Variants in PRTFDC1 observed in about 807,000 individuals in gnomAD.
PRTFDC1 encodes phosphoribosyltransferase domain-containing protein 1.
A neutral mutation model predicts 34.6 loss-of-function variants in PRTFDC1; 38 were observed. That is an observed-to-expected ratio of 1.10 (90% CI 0.85 to 1.44). The LOEUF is 1.44. Ranked by LOEUF, PRTFDC1 falls within the 40% of genes most tolerant of loss-of-function variation. The pLI, the probability that PRTFDC1 is intolerant of heterozygous loss-of-function variation, is 0.00. For missense variants in PRTFDC1, 270 were observed against 283.0 expected, an observed-to-expected ratio of 0.95 and a Z score of 0.33; for synonymous variants, 93 against 98.1, an observed-to-expected ratio of 0.95 and a Z score of 0.31.
intron 3 of PRTFDC1, among the ~76,000 whole-genome samples, chr10:24,923,753 G>A (rs1390713939): frequency 6.6e-6 from 1 of 152,212 alleles, no homozygotes; most frequent in Non-Finnish European, 1.5e-5. Context: ...TCCTCCAAAG[G>A]ATCGCAGCTC....
intron 5 of PRTFDC1, 49 bp from the exon 6 acceptor site, chr10:24,857,044 A>G (rs1469567520): frequency 1.4e-6 from 2 of 1,469,894 alleles, no homozygotes; most frequent in African/African-American, 1.4e-5. Flanking sequence ...TGAGCAGCAC[A>G]ATAGACTTTT....
At chr10:24,854,412 G>A (rs1431131271) in intron 7 of PRTFDC1, among the ~76,000 whole-genome samples, 1 of 152,160 alleles carries the variant, frequency 6.6e-6, no homozygotes, top group Non-Finnish European at 1.5e-5. Flanking sequence ...AGAATGTAGA[G>A]TCACTGGCTA....
intron 3 of PRTFDC1, among the ~76,000 whole-genome samples, chr10:24,929,029 A>T (rs1359626491): frequency 7.8e-6 from 1 of 127,600 alleles, no homozygotes; most frequent in Admixed American, 8.3e-5. Context: ...CGACAGAGGC[A>T]GACTCCGTCT....
intron 7 of PRTFDC1, among the ~76,000 whole-genome samples, chr10:24,852,167 A>AT (rs1468940188): frequency 2.0e-5 from 3 of 151,582 alleles, no homozygotes; most frequent in Non-Finnish European, 4.4e-5. Context: ...AAAGATGATG[A>AT]TTTTTTGTCA....
chr10:24,932,152 C>T (rs1212131185), intron 3 of PRTFDC1, among the ~76,000 whole-genome samples: 14 of 151,682 alleles, frequency 9.2e-5, no homozygotes. Context: ...TATGAAAAAA[C>T]CTCTTGCAAA....
At chr10:24,912,549 G>A (rs1468737699) in intron 3 of PRTFDC1, among the ~76,000 whole-genome samples, 3 of 151,944 alleles carry the variant, frequency 2.0e-5, no homozygotes, top group Non-Finnish European at 2.9e-5. Flanking sequence ...TTTTGGTAGA[G>A]TGTCATTCAA....
rs201435678 is a variant in PRTFDC1, at chr10:24,942,297, A to G, written c.155+33T>C. The G allele has an allele frequency of 1.6e-4, 245 of 1,543,608 alleles. No individual in the cohort carries two copies. The African/African-American group carries it at 2.8e-3, about 18-fold the overall frequency. ...ACACAAGTGTGGGCCGGCCCAGTGC[A>G]GGACCAAGATTGACACAGGAAATCA... On this transcript the variant is annotated intron_variant, in intron 2 of 8. Coordinates refer to ENST00000320152, the MANE Select transcript of PRTFDC1 (RefSeq NM_020200.7).
At chr10:24,855,645 T>A (rs1051183476) in intron 6 of PRTFDC1, among the ~76,000 whole-genome samples, 1 of 151,738 alleles carries the variant, frequency 6.6e-6, no homozygotes, top group African/African-American at 2.4e-5. Flanking sequence ...AATTAAAAAA[T>A]TTAGCTGGGT....
chr10:24,851,121 A>C (rs1847479233), intron 8 of PRTFDC1, among the ~76,000 whole-genome samples: 1 of 152,210 alleles, frequency 6.6e-6, no homozygotes, highest in South Asian at 2.1e-4. Flanking sequence ...ATGGAGAAGA[A>C]TCAGTGTCAA....
intron 3 of PRTFDC1, among the ~76,000 whole-genome samples, chr10:24,873,379 C>T (rs189902845): frequency 7.7e-4 from 117 of 152,300 alleles, no homozygotes; most frequent in Middle Eastern, 3.4e-3. Flanking sequence ...CGATACATTC[C>T]GGCAGTCTGC....
chr10:24,919,504 A>G (rs1848747530), intron 3 of PRTFDC1, among the ~76,000 whole-genome samples: 1 of 152,254 alleles, frequency 6.6e-6, no homozygotes, highest in African/African-American at 2.4e-5. Context: ...AAAGACTTAA[A>G]TGGAAAACCC....
intron 3 of PRTFDC1, among the ~76,000 whole-genome samples, chr10:24,876,401 T>A (rs1847962872): frequency 6.6e-6 from 1 of 152,000 alleles, no homozygotes; most frequent in Admixed American, 6.6e-5. Flanking sequence ...AATTTCTTTT[T>A]AAAAAATTTT....
chr10:24,937,041 C>T (rs1016843621), intron 3 of PRTFDC1, 143 bp downstream of exon 3: 18 of 762,172 alleles, frequency 2.4e-5, no homozygotes, highest in African/African-American at 7.1e-5. Context: ...GTTAGGTTGC[C>T]GTATTCTTGC....
intron 3 of PRTFDC1, among the ~76,000 whole-genome samples, chr10:24,875,960 A>ATCC (rs1847955984): frequency 6.6e-6 from 1 of 151,138 alleles, no homozygotes; most frequent in Admixed American, 6.6e-5. Flanking sequence ...GCTGCCAGCA[A>ATCC]TCCTCCTGCC....
intron 3 of PRTFDC1, among the ~76,000 whole-genome samples, chr10:24,881,233 AT>A (rs1293059883): frequency 8.4e-6 from 1 of 118,658 alleles, no homozygotes; most frequent in Admixed American, 8.2e-5. Flanking sequence ...CACCCAGCTG[AT>A]TTTTTTATTT....
intron 3 of PRTFDC1, among the ~76,000 whole-genome samples, chr10:24,921,170 G>T (rs1243326538): frequency 6.6e-6 from 1 of 152,086 alleles, no homozygotes; most frequent in East Asian, 1.9e-4. Flanking sequence ...TATCGCTGGA[G>T]TAAGGGGTAT....
At chr10:24,949,738 TA>T (rs913713023) in intron 1 of PRTFDC1, among the ~76,000 whole-genome samples, 21 of 67,644 alleles carry the variant, frequency 3.1e-4, no homozygotes, top group Non-Finnish European at 6.3e-4. Flanking sequence ...TTTATTTATT[TA>T]TTTTTTTTTT....
intron 4 of PRTFDC1, among the ~76,000 whole-genome samples, chr10:24,863,646 A>C (rs1213753424): frequency 6.6e-6 from 1 of 152,182 alleles, no homozygotes; most frequent in East Asian, 1.9e-4. Flanking sequence ...AAGTAAATTG[A>C]AAACCTGAAG....
At chr10:24,916,200 T>A (rs1260712723) in intron 3 of PRTFDC1, among the ~76,000 whole-genome samples, 1 of 152,090 alleles carries the variant, frequency 6.6e-6, no homozygotes, top group African/African-American at 2.4e-5. Context: ...TATACAGAAA[T>A]CCAAATACTG....
Sources: allele counts gnomAD v4.1 joint callset (sites outside exome capture counted in the v4.1 genomes callset), GRCh38; gene constraint gnomAD v4.1.1; transcripts MANE v1.5; gene names NCBI Gene and HGNC (gene_info 2026-07-23, HGNC 2026-07-21).